Variants in NPAS3 observed in about 807,000 individuals in gnomAD.
The protein encoded by NPAS3 is neuronal PAS domain-containing protein 3.
Under a neutral mutation model 73.1 loss-of-function variants are expected in NPAS3, and 14 were observed. The observed-to-expected ratio is 0.19, with a 90% confidence interval of 0.13 to 0.30. NPAS3 has a LOEUF of 0.30. Ranked by LOEUF, NPAS3 falls within the 10% of genes least tolerant of loss-of-function variation. The pLI is 1.00. For missense variants in NPAS3, 1,096 were observed against 1,250.0 expected (o/e 0.88, Z 1.86); for synonymous variants, 620 against 541.5 (o/e 1.14, Z -2.01).
intron 4 of NPAS3, among the ~76,000 whole-genome samples, chr14:33,435,493 A>C (rs2048951324): frequency 6.6e-6 from 1 of 152,200 alleles, no homozygotes; most frequent in Non-Finnish European, 1.5e-5. Context: ...TAATACATTA[A>C]TTTTTAACAC....
chr14:33,796,181 A>G (rs938571211), intron 10 of NPAS3, among the ~76,000 whole-genome samples: 2 of 152,168 alleles, frequency 1.3e-5, no homozygotes, highest in African/African-American at 4.8e-5. Flanking sequence ...TTCCCTGAGC[A>G]ATACTTTCAC....
intron 4 of NPAS3, among the ~76,000 whole-genome samples, chr14:33,431,685 A>G (rs2139157409): frequency 6.6e-6 from 1 of 152,300 alleles, no homozygotes; most frequent in South Asian, 2.1e-4. Context: ...GAAATGATGT[A>G]TCCATTTATT....
chr14:33,262,631 A>G (rs1237539869), intron 3 of NPAS3, among the ~76,000 whole-genome samples: 1 of 152,182 alleles, frequency 6.6e-6, no homozygotes, highest in African/African-American at 2.4e-5. Context: ...TAAATTGTAG[A>G]TTCATCAACT....
intron 4 of NPAS3, among the ~76,000 whole-genome samples, chr14:33,416,740 A>G (rs534269394): frequency 6.6e-6 from 1 of 152,130 alleles, no homozygotes; most frequent in Non-Finnish European, 1.5e-5. Flanking sequence ...TTCTCATTTT[A>G]TAGGAATGAG....
chr14:33,527,102 T>C (rs1392749176), intron 4 of NPAS3, among the ~76,000 whole-genome samples: 1 of 152,134 alleles, frequency 6.6e-6, no homozygotes, highest in African/African-American at 2.4e-5. Flanking sequence ...AGGAGGTTGA[T>C]TGGCCACCTC....
At chr14:33,324,934 T>A (rs2140250335) in intron 3 of NPAS3, among the ~76,000 whole-genome samples, 1 of 152,290 alleles carries the variant, frequency 6.6e-6, no homozygotes, top group African/African-American at 2.4e-5. Flanking sequence ...TCACTGTTAT[T>A]GTTTGTTTAG....
chr14:33,199,557 G>A (rs1244788743), intron 2 of NPAS3, among the ~76,000 whole-genome samples: 1 of 152,158 alleles, frequency 6.6e-6, no homozygotes, highest in East Asian at 1.9e-4. Context: ...CCTCCAGAGT[G>A]TAGAAAGGGG....
At chr14:33,475,476 C>G (rs529537109) in intron 4 of NPAS3, among the ~76,000 whole-genome samples, 17 of 149,382 alleles carry the variant, frequency 1.1e-4, no homozygotes, top group Admixed American at 8.1e-4. Flanking sequence ...CAAAGCATAT[C>G]GATGCCACAG....
chr14:33,415,707 G>A (rs1213146420), intron 4 of NPAS3, among the ~76,000 whole-genome samples: 3 of 151,976 alleles, frequency 2.0e-5, no homozygotes, highest in Non-Finnish European at 2.9e-5. Flanking sequence ...GACATTCATG[G>A]TCCTACATGT....
chr14:33,584,321 T>C (rs1056319005), intron 5 of NPAS3, among the ~76,000 whole-genome samples: 19 of 151,956 alleles, frequency 1.3e-4, no homozygotes, highest in Non-Finnish European at 2.4e-4. Context: ...AGAAACATTG[T>C]ATGCAGCTGT....
intron 3 of NPAS3, among the ~76,000 whole-genome samples, chr14:33,246,612 T>C (rs951783518): frequency 6.6e-6 from 1 of 151,204 alleles, no homozygotes; most frequent in East Asian, 1.9e-4. Flanking sequence ...TGATTCTAAT[T>C]AGAAGAGTAT....
At chr14:33,636,375 C>T (rs1351916390) in intron 5 of NPAS3, among the ~76,000 whole-genome samples, 1 of 152,212 alleles carries the variant, frequency 6.6e-6, no homozygotes, top group African/African-American at 2.4e-5. Flanking sequence ...TATTTGCCTG[C>T]CTCCAGTCTA....
At chr14:32,939,245 GCCCGCCCACGCCCCCCA>G, upstream of NPAS3, 5 of 330,240 alleles carry the variant, frequency 1.5e-5, no homozygotes, top group Admixed American at 3.4e-5. Flanking sequence ...GCACACCCCC[GCCCGCCCACGCCCCCCA>G]CCCGGGAGGG....
intron 1 of NPAS3, among the ~76,000 whole-genome samples, chr14:33,027,329 G>T (rs957722168): frequency 2.6e-5 from 4 of 152,148 alleles, no homozygotes; most frequent in Non-Finnish European, 4.4e-5. Flanking sequence ...CTTGGGCTCT[G>T]AGTCAGGAGG....
chr14:33,793,152 A>G (rs936560704), intron 9 of NPAS3, among the ~76,000 whole-genome samples: 4 of 152,194 alleles, frequency 2.6e-5, no homozygotes, highest in South Asian at 2.1e-4. Context: ...ACCGTTTCAC[A>G]TTACTGATTG....
At chr14:33,480,515 C>G (rs1482260627) in intron 4 of NPAS3, among the ~76,000 whole-genome samples, 3 of 130,658 alleles carry the variant, frequency 2.3e-5, no homozygotes, top group Non-Finnish European at 4.9e-5. Context: ...CTCTCCCTCT[C>G]CCCCACTCTC....
chr14:33,659,653 G>A (rs1249435219), intron 5 of NPAS3, among the ~76,000 whole-genome samples: 1 of 152,100 alleles, frequency 6.6e-6, no homozygotes, highest in Admixed American at 6.5e-5. Context: ...CCATTAGATT[G>A]TAAGGAAGGG....
intron 1 of NPAS3, among the ~76,000 whole-genome samples, chr14:33,027,818 T>G (rs1434463173): frequency 6.6e-6 from 1 of 152,212 alleles, no homozygotes; most frequent in Non-Finnish European, 1.5e-5. Context: ...GAGGCTGAAC[T>G]AACTTGTACT....
intron 3 of NPAS3, among the ~76,000 whole-genome samples, chr14:33,304,620 C>T (rs536640125): frequency 2.6e-5 from 4 of 151,940 alleles, no homozygotes; most frequent in Admixed American, 6.6e-5. Context: ...TTTACCCTAT[C>T]ATTATTTTCT....
Sources: allele counts gnomAD v4.1 joint callset (sites outside exome capture counted in the v4.1 genomes callset), GRCh38; gene constraint gnomAD v4.1.1; transcripts MANE v1.5; gene names NCBI Gene and HGNC (gene_info 2026-07-23, HGNC 2026-07-21).